COBL: variants seen among roughly 807,000 people sequenced by gnomAD.
COBL encodes the protein cordon-bleu WH2 repeat protein.
A neutral mutation model predicts 98.8 loss-of-function variants in COBL; 51 were observed. The observed-to-expected ratio is 0.52, with a 90% confidence interval of 0.41 to 0.65. COBL has a LOEUF of 0.65. COBL is among the 30% of genes least tolerant of loss of function. The probability of loss-of-function intolerance (pLI) is 0.00; values close to 1 mark genes in which losing one functional copy is unlikely to be tolerated. For missense variants in COBL, 1,617 were observed against 1,617.5 expected, an observed-to-expected ratio of 1.00 and a Z score of 0.01; for synonymous variants, 634 against 651.7, an observed-to-expected ratio of 0.97 and a Z score of 0.41.
intron 7 of COBL, among the ~76,000 whole-genome samples, chr7:51,070,629 G>A (rs1005237948): frequency 6.6e-6 from 1 of 152,178 alleles, no homozygotes; most frequent in African/African-American, 2.4e-5. Context: ...TAGTCTGCAC[G>A]TGGAAACGTT....
At chr7:51,238,979 A>G (rs1181050220) in intron 1 of COBL, among the ~76,000 whole-genome samples, 1 of 152,234 alleles carries the variant, frequency 6.6e-6, no homozygotes, top group Admixed American at 6.5e-5. Flanking sequence ...TAGCGTACTC[A>G]TTATTAAAAA....
chr7:51,075,769 G>C (rs944249433), intron 7 of COBL, among the ~76,000 whole-genome samples: 1 of 152,098 alleles, frequency 6.6e-6, no homozygotes, highest in Non-Finnish European at 1.5e-5. Flanking sequence ...AGGCTCATAA[G>C]GTTTTTTTGA....
intron 5 of COBL, among the ~76,000 whole-genome samples, chr7:51,146,620 T>C (rs1400701964): frequency 1.9e-5 from 2 of 106,274 alleles, no homozygotes; most frequent in Non-Finnish European, 3.7e-5. Context: ...CAGAGGAAGG[T>C]GACCGCTGTG....
intron 4 of COBL, among the ~76,000 whole-genome samples, chr7:51,188,345 C>T (rs1000022373): frequency 6.6e-6 from 1 of 152,254 alleles, no homozygotes; most frequent in Non-Finnish European, 1.5e-5. Flanking sequence ...AAAGTAAGGG[C>T]TCCTCCAGCA....
chr7:51,217,917 A>T (rs2129085661), intron 2 of COBL, among the ~76,000 whole-genome samples: 1 of 152,332 alleles, frequency 6.6e-6, no homozygotes, highest in Non-Finnish European at 1.5e-5. Context: ...GAACTGCCGC[A>T]AGAGATAGTG....
intron 2 of COBL, among the ~76,000 whole-genome samples, chr7:51,207,118 T>G (rs1366389704): frequency 6.6e-6 from 1 of 152,218 alleles, no homozygotes; most frequent in Non-Finnish European, 1.5e-5. Context: ...CAACATCAAG[T>G]TATACACCTT....
intron 7 of COBL, chr7:51,072,941 A>G (rs1247355469): frequency 6.4e-6 from 1 of 156,112 alleles, no homozygotes; most frequent in Non-Finnish European, 1.4e-5. Flanking sequence ...TTTCAGTTCT[A>G]TCCAAATTGA....
intron 1 of COBL, among the ~76,000 whole-genome samples, chr7:51,239,037 G>A (rs907466032): frequency 6.6e-6 from 1 of 152,164 alleles, no homozygotes; most frequent in Non-Finnish European, 1.5e-5. Context: ...AAAAATAAGG[G>A]TAATAAATAT....
At chr7:51,069,104 G>A (rs2128921110) in intron 7 of COBL, among the ~76,000 whole-genome samples, 1 of 152,328 alleles carries the variant, frequency 6.6e-6, no homozygotes, top group Non-Finnish European at 1.5e-5. Context: ...TTTGCCTTCT[G>A]GGGCATTCCC....
chr7:51,310,624 A>C lies in COBL; in HGVS notation c.41+5969T>G, dbSNP rs192243705. On this transcript the variant is annotated intron_variant, in intron 1 of 12. Coordinates refer to ENST00000265136, the MANE Select transcript of COBL (RefSeq NM_015198.5). The stretch of plus-strand genomic sequence containing the variant: ...TGGGATCGACCAGCCAGGACGCGTG[A>C]CTTACCTGGTTTATCTTTGGAGGGT... Among the ~76,000 whole-genome samples the C allele has an allele frequency of 2.8e-4, 43 of 152,210 alleles. No individual in the cohort carries two copies. In the East Asian group the frequency reaches 8.1e-3, roughly 29 times the overall value.
chr7:51,314,597 G>A (rs1036624336), intron 1 of COBL, among the ~76,000 whole-genome samples: 5 of 152,118 alleles, frequency 3.3e-5, no homozygotes, highest in Non-Finnish European at 5.9e-5. Context: ...TATTAAACAC[G>A]TAATTCTTGT....
At chr7:51,185,030 T>C (rs1202068936) in intron 4 of COBL, among the ~76,000 whole-genome samples, 1 of 152,182 alleles carries the variant, frequency 6.6e-6, no homozygotes, top group Admixed American at 6.5e-5. Flanking sequence ...AGGGGAGCAA[T>C]TGTTTTCTTC....
intron 5 of COBL, among the ~76,000 whole-genome samples, chr7:51,151,198 T>C (rs1490739574): frequency 6.6e-6 from 1 of 152,212 alleles, no homozygotes; most frequent in East Asian, 1.9e-4. Context: ...GGCGAAACAT[T>C]TTCAGCCTTG....
intron 6 of COBL, among the ~76,000 whole-genome samples, chr7:51,109,570 CTGAGT>C (rs1036999359): frequency 3.3e-5 from 5 of 152,230 alleles, no homozygotes; most frequent in Admixed American, 6.5e-5. Context: ...CATTTCCTGC[CTGAGT>C]TATCTTAAAT....
At chr7:51,182,681 T>C (rs1027834109) in intron 5 of COBL, among the ~76,000 whole-genome samples, 1 of 151,264 alleles carries the variant, frequency 6.6e-6, no homozygotes, top group African/African-American at 2.4e-5. Flanking sequence ...GAGGAAGGGA[T>C]AGTTGGAGAG....
At chr7:51,243,106 T>C (rs1795951286) in intron 1 of COBL, among the ~76,000 whole-genome samples, 1 of 152,180 alleles carries the variant, frequency 6.6e-6, no homozygotes, top group Admixed American at 6.5e-5. Flanking sequence ...GTCCCGTTGG[T>C]CCCACTAAGG....
intron 5 of COBL, among the ~76,000 whole-genome samples, chr7:51,168,517 T>A (rs946684349): frequency 7.2e-5 from 11 of 151,946 alleles, no homozygotes; most frequent in African/African-American, 2.7e-4. Context: ...TATGAAAAGA[T>A]GGTCAACATC....
intron 1 of COBL, among the ~76,000 whole-genome samples, chr7:51,239,900 A>G (rs914756784): frequency 1.5e-4 from 23 of 152,328 alleles, no homozygotes; most frequent in African/African-American, 5.5e-4. Context: ...TAAACATTTT[A>G]GGCTTTGTGG....
chr7:51,020,802 T>C (rs1012164716), intron 12 of COBL, among the ~76,000 whole-genome samples: 1 of 152,218 alleles, frequency 6.6e-6, no homozygotes, highest in Non-Finnish European at 1.5e-5. Flanking sequence ...CAGCCACAAA[T>C]ACAGAGGCAG....
Sources: allele counts gnomAD v4.1 joint callset (sites outside exome capture counted in the v4.1 genomes callset), GRCh38; gene constraint gnomAD v4.1.1; transcripts MANE v1.5; gene names NCBI Gene and HGNC (gene_info 2026-07-23, HGNC 2026-07-21).